CDC14B: variants seen among roughly 807,000 people sequenced by gnomAD.
CDC14B encodes dual specificity protein phosphatase CDC14B.
In CDC14B, 22 loss-of-function variants were observed where a neutral mutation model predicts 64.2. The observed-to-expected ratio is 0.34, with a 90% CI of 0.24 to 0.49. CDC14B has a LOEUF of 0.49. Ranked by LOEUF, CDC14B falls within the 20% of genes least tolerant of loss-of-function variation. The pLI, the probability that CDC14B is intolerant of heterozygous loss-of-function variation, is 0.99. For synonymous variants in CDC14B, 191 were observed against 215.8 expected, an observed-to-expected ratio of 0.89 and a Z score of 1.01; for missense variants, 498 against 629.9, an observed-to-expected ratio of 0.79 and a Z score of 2.24.
At chr9:96,504,350 C>T (rs1007282092) in intron 13 of CDC14B, among the ~76,000 whole-genome samples, 4 of 152,100 alleles carry the variant, frequency 2.6e-5, no homozygotes, top group African/African-American at 9.7e-5. Flanking sequence ...TTCTCTCCTT[C>T]CCCAGTTCAC....
At chr9:96,616,723 C>CA (rs557948777) in intron 1 of CDC14B, among the ~76,000 whole-genome samples, 7,568 of 101,882 alleles carry the variant, frequency 0.074, 579 homozygotes, top group African/African-American at 0.22. Context: ...GACTCTGTCT[C>CA]AAAAAAAAAA....
chr9:96,571,197 G>T (rs1213656371), intron 1 of CDC14B, among the ~76,000 whole-genome samples: 1 of 146,552 alleles, frequency 6.8e-6, no homozygotes, highest in Non-Finnish European at 1.5e-5. Flanking sequence ...TTTTTTTTGA[G>T]ACGGAGTCTC....
chr9:96,556,269 T>C (rs1261639713), intron 4 of CDC14B, among the ~76,000 whole-genome samples: 1 of 152,094 alleles, frequency 6.6e-6, no homozygotes, highest in Non-Finnish European at 1.5e-5. Flanking sequence ...TTCCAGCACT[T>C]AAAGACTCTT....
At chr9:96,562,445 T>C (rs573702130) in intron 4 of CDC14B, 25 of 421,570 alleles carry the variant, frequency 5.9e-5, no homozygotes, top group South Asian at 4.9e-4. Context: ...TTTAAAAAAA[T>C]ATAGGCTTTT....
intron 12 of CDC14B, among the ~76,000 whole-genome samples, chr9:96,517,643 C>CG (rs1835917670): frequency 2.9e-5 from 1 of 34,638 alleles, no homozygotes; most frequent in Non-Finnish European, 4.9e-5. Context: ...GACTCCGTCT[C>CG]AAAAAAAAAA....
At chr9:96,495,394 C>G (rs963653289), downstream of CDC14B, among the ~76,000 whole-genome samples, 11 of 139,534 alleles carry the variant, frequency 7.9e-5, no homozygotes, top group Non-Finnish European at 1.4e-4. Flanking sequence ...GTGTGCTGCC[C>G]CCCCCCGCCC....
At chr9:96,573,667 A>G (rs940951617) in intron 1 of CDC14B, among the ~76,000 whole-genome samples, 3 of 152,256 alleles carry the variant, frequency 2.0e-5, no homozygotes, top group Non-Finnish European at 4.4e-5. Context: ...TAATAAATTT[A>G]CATGTTACAT....
rs907321476 is a variant in CDC14B at position 96,602,368 on chromosome 9, C to G, written c.160+16851G>C. Among the ~76,000 whole-genome samples the G allele has an allele frequency of 6.6e-5, 10 of 152,328 alleles. No individual in the cohort carries two copies. The East Asian group carries it at 1.2e-3, about 18-fold the overall frequency. On this transcript the variant is annotated intron_variant, in intron 1 of 13. Coordinates refer to ENST00000375241, the MANE Select transcript of CDC14B (RefSeq NM_033331.4). ...AAAAGAATTACGTCTGTATTTTCAG[C>G]TGCTGAGATTTGGGGGTCTTATTTT...
chr9:96,526,783 C>T (rs146119091), intron 9 of CDC14B, among the ~76,000 whole-genome samples: 1 of 152,210 alleles, frequency 6.6e-6, no homozygotes, highest in Non-Finnish European at 1.5e-5. Flanking sequence ...CTGTCCTGTG[C>T]GCTGTAGGAT....
In CDC14B at chr9:96,534,009, G is replaced by C; in HGVS notation, c.864C>G (p.Gly288=). 1.2e-6 allele frequency: 2 copies of C among 1,612,820 alleles called. No individual in the cohort carries two copies. Among genetic ancestry groups the C allele is most frequent in the South Asian group, 2.2e-5 (2 of 90,834 alleles). ...TGACAATGGCATCAGTAGGGGTGCT[G>C]CCATCCGCAAAGAAAAGATCATGGT... ...FDHHDLFFAD[G]STPTDAIVKE... Residue 288 remains glycine, a synonymous_variant, in exon 9 of 14, where the codon GGC becomes GGG. Coordinates refer to ENST00000375241, the MANE Select transcript of CDC14B (RefSeq NM_033331.4).
intron 1 of CDC14B, among the ~76,000 whole-genome samples, chr9:96,611,434 C>T (rs1847318231): frequency 6.6e-6 from 1 of 152,196 alleles, no homozygotes; most frequent in African/African-American, 2.4e-5. Context: ...CATAAAGATG[C>T]CTGATCTAGA....
At chr9:96,523,824 G>A (rs1587811706) in intron 9 of CDC14B, 99 bp from the exon 10 acceptor site, 3 of 1,240,644 alleles carry the variant, frequency 2.4e-6, no homozygotes, top group Middle Eastern at 3.9e-4. Context: ...TCATGACTCT[G>A]CTTCTTTCAA....
chr9:96,548,865 C>T (rs1841379927), intron 5 of CDC14B, among the ~76,000 whole-genome samples: 1 of 151,006 alleles, frequency 6.6e-6, no homozygotes, highest in Non-Finnish European at 1.5e-5. Context: ...TTAAATAAAA[C>T]ATTGCTACAG....
At chr9:96,581,676 G>A (rs892115871) in intron 1 of CDC14B, among the ~76,000 whole-genome samples, 6 of 152,028 alleles carry the variant, frequency 3.9e-5, no homozygotes, top group African/African-American at 1.2e-4. Flanking sequence ...GGGTTTGAAC[G>A]TGTTGGTGTT....
At chr9:96,556,767 T>C (rs1842557304) in intron 4 of CDC14B, among the ~76,000 whole-genome samples, 1 of 152,090 alleles carries the variant, frequency 6.6e-6, no homozygotes, top group Non-Finnish European at 1.5e-5. Flanking sequence ...ATCTTGATTT[T>C]TTAAAAAATG....
At chr9:96,529,894 C>T (rs967477958) in intron 9 of CDC14B, among the ~76,000 whole-genome samples, 3 of 152,114 alleles carry the variant, frequency 2.0e-5, no homozygotes, top group Non-Finnish European at 4.4e-5. Flanking sequence ...AAATGAATTT[C>T]AGAATCATTT....
At chr9:96,609,132 T>G (rs1847152742) in intron 1 of CDC14B, among the ~76,000 whole-genome samples, 1 of 152,044 alleles carries the variant, frequency 6.6e-6, no homozygotes. Flanking sequence ...GCCTGGCTAA[T>G]TTTGTATTTT....
intron 13 of CDC14B, among the ~76,000 whole-genome samples, chr9:96,494,897 C>T (rs1156321589): frequency 5.3e-5 from 8 of 150,460 alleles, no homozygotes; most frequent in Admixed American, 3.3e-4. Flanking sequence ...TGCAGTGGCG[C>T]GATCTCGGCT....
intron 5 of CDC14B, among the ~76,000 whole-genome samples, chr9:96,543,538 A>T (rs1473383629): frequency 6.6e-6 from 1 of 152,152 alleles, no homozygotes; most frequent in Non-Finnish European, 1.5e-5. Context: ...TGCTTATATT[A>T]CTTTACAGAC....
Sources: gnomAD v4.1 joint callset for allele counts (sites outside exome capture counted in the v4.1 genomes callset) on GRCh38, gnomAD v4.1.1 for gene constraint, MANE v1.5 for transcripts, NCBI Gene and HGNC (gene_info 2026-07-23, HGNC 2026-07-21) for gene names.